Variants in SNX25 observed in about 807,000 individuals in gnomAD.
SNX25 encodes the protein sorting nexin 25, also known as sorting nexin-25.
Under a neutral mutation model 113.7 loss-of-function variants are expected in SNX25, and 62 were observed. The observed-to-expected ratio is 0.55, with a 90% CI of 0.44 to 0.67. SNX25 has a LOEUF of 0.67. SNX25 is among the 30% of genes least tolerant of loss of function. SNX25 has a pLI of 0.00. For missense variants in SNX25, 1,014 were observed against 1,161.0 expected (o/e 0.87, Z 1.84); for synonymous variants, 421 against 436.2 (o/e 0.97, Z 0.43).
chr4:185,317,827 C>G (rs1301330317), intron 7 of SNX25, among the ~76,000 whole-genome samples: 1 of 152,166 alleles, frequency 6.6e-6, no homozygotes, highest in East Asian at 1.9e-4. Flanking sequence ...GAACAAATAC[C>G]TAATGCATGT....
intron 1 of SNX25, among the ~76,000 whole-genome samples, chr4:185,242,639 C>T (rs935095073): frequency 1.3e-5 from 2 of 152,180 alleles, no homozygotes; most frequent in African/African-American, 4.8e-5. Context: ...AGGAACCTCA[C>T]ATGTTCAGCT....
At chr4:185,261,114 C>CTG (rs369434936) in intron 3 of SNX25, among the ~76,000 whole-genome samples, 13,075 of 141,574 alleles carry the variant, frequency 0.092, 586 homozygotes, top group East Asian at 0.12. Flanking sequence ...CTGTCTGTCT[C>CTG]TGTGTGTGTG....
intron 1 of SNX25, among the ~76,000 whole-genome samples, chr4:185,231,404 C>G (rs1358908386): frequency 6.7e-6 from 1 of 150,216 alleles, no homozygotes; most frequent in Non-Finnish European, 1.5e-5. Context: ...TGGCCAATAA[C>G]TTGTTTCTTT....
At chr4:185,223,917 C>G (rs3112906) in intron 1 of SNX25, among the ~76,000 whole-genome samples, 98,897 of 151,604 alleles carry the variant, frequency 0.65, 32,334 homozygotes, top group East Asian at 0.75. Context: ...CTTGTCCCTC[C>G]TGTACTCTTC....
chr4:185,300,840 G>GACAC (rs58762122), intron 6 of SNX25, among the ~76,000 whole-genome samples: 2,751 of 140,760 alleles, frequency 0.02, 68 homozygotes, highest in African/African-American at 0.054. Flanking sequence ...TGATTATTAT[G>GACAC]ACACACACAC....
At chr4:185,223,170 C>G (rs1560902929) in intron 1 of SNX25, among the ~76,000 whole-genome samples, 1 of 152,174 alleles carries the variant, frequency 6.6e-6, no homozygotes, top group African/African-American at 2.4e-5. Context: ...CCCACCTTAG[C>G]AACCTCATCT....
At chr4:185,237,221 T>C (rs1304835710) in intron 1 of SNX25, among the ~76,000 whole-genome samples, 1 of 152,206 alleles carries the variant, frequency 6.6e-6, no homozygotes, top group Non-Finnish European at 1.5e-5. Context: ...CTCAGTATCA[T>C]GTTAACAATT....
chr4:185,334,466 C>T lies in SNX25; in HGVS notation c.1914+1707C>T, dbSNP rs1258595473. Among the ~76,000 whole-genome samples the T allele has an allele frequency of 3.3e-5, 5 of 152,214 alleles. No homozygotes were observed. Among genetic ancestry groups the T allele is most frequent in the Non-Finnish European group, 7.3e-5 (5 of 68,038 alleles). On this transcript the variant is annotated intron_variant, in intron 10 of 18. Transcript: ENST00000652585. This position sits in a 1 kb window ranked among gnomAD's most constrained non-coding sequence, Gnocchi z 4.2. ...TATGTGGAGTCACTCCCATTTACTA[C>T]ATACAGAACTCGAAAGCCTGATAGT...
At chr4:185,328,310 C>G (rs1004070864) in intron 9 of SNX25, among the ~76,000 whole-genome samples, 5 of 152,240 alleles carry the variant, frequency 3.3e-5, no homozygotes, top group Admixed American at 1.3e-4. Context: ...TTATTCACCT[C>G]TAATTCCAGG....
intron 4 of SNX25, among the ~76,000 whole-genome samples, chr4:185,266,159 A>T (rs1748044756): frequency 6.6e-6 from 1 of 152,076 alleles, no homozygotes; most frequent in Non-Finnish European, 1.5e-5. Context: ...CACAGAGAAG[A>T]GAGGAAGTTT....
intron 3 of SNX25, 95 bp downstream of exon 3, chr4:185,259,159 C>T (rs1468559676): frequency 1.0e-6 from 1 of 994,506 alleles, no homozygotes; most frequent in Non-Finnish European, 1.5e-6. Flanking sequence ...AATATTCTGC[C>T]TATTGCTGGC....
chr4:185,241,487 T>TGGGGAGAGGGAGACC (rs1560925501), intron 1 of SNX25, among the ~76,000 whole-genome samples: 2 of 66,064 alleles, frequency 3.0e-5, no homozygotes, highest in Non-Finnish European at 3.9e-5. Context: ...AGAGGGAGAC[T>TGGGGAGAGGGAGACC]GTGGGGAGAG....
rs760440618 is a variant in SNX25 at position 185,357,692 on chromosome 4, C to T, written c.2606C>T (p.Thr869Ile). Residue 869 changes from threonine to isoleucine, a missense_variant, in exon 16 of 19, where the codon ACA becomes ATA. Physicochemically the swap from Thr to Ile is moderately conservative, Grantham distance 89 (BLOSUM62 -1). Coordinates refer to ENST00000652585, the MANE Select transcript of SNX25 (RefSeq NM_001378034.2). ...LRGMFKWVRR[T>I]LIALVQVTFG... is the part of the protein sequence containing the mutation. ...TCAGTGTTTAAATGGGTGAGAAGAACATTAATTGCCCTCGTTCAGGTCACT... is the reference window on the plus strand; with the variant it reads ...TCAGTGTTTAAATGGGTGAGAAGAATATTAATTGCCCTCGTTCAGGTCACT... 7 of 1,614,088 alleles carry T rather than the reference C, an allele frequency of 4.3e-6. No individual in the cohort carries two copies. In the South Asian group the frequency reaches 7.7e-5, roughly 18 times the overall value.
downstream of SNX25, among the ~76,000 whole-genome samples, chr4:185,371,349 C>T (rs533535802): frequency 4.6e-4 from 70 of 152,052 alleles, no homozygotes; most frequent in South Asian, 2.1e-4. Flanking sequence ...ACCATCCTGG[C>T]TAACATGGTG....
intron 1 of SNX25, among the ~76,000 whole-genome samples, chr4:185,239,291 G>C (rs540828305): frequency 2.0e-5 from 3 of 151,924 alleles, no homozygotes; most frequent in Non-Finnish European, 4.4e-5. Context: ...AGACCATCCT[G>C]GCCAACACGG....
At chr4:185,253,473 C>CTT (rs1189589905) in intron 2 of SNX25, among the ~76,000 whole-genome samples, 3 of 142,896 alleles carry the variant, frequency 2.1e-5, no homozygotes, top group Non-Finnish European at 1.5e-5. Context: ...TTCTTTTCTT[C>CTT]TTTTTTTTTT....
At chr4:185,362,547 A>G (rs1473810005) in intron 17 of SNX25, 64 bp from the exon 18 acceptor site, 1 of 1,463,872 alleles carries the variant, frequency 6.8e-7, no homozygotes, top group East Asian at 2.3e-5. Flanking sequence ...TATTCCTTTC[A>G]CTGCAAAGCT....
chr4:185,370,596 G>A, downstream of SNX25: 1 of 1,589,776 alleles, frequency 6.3e-7, no homozygotes, highest in East Asian at 2.2e-5. Context: ...TAAAAGCCTG[G>A]CAGTTTCTCT....
chr4:185,313,475 C>G (rs1024754984), intron 7 of SNX25, among the ~76,000 whole-genome samples: 2 of 152,060 alleles, frequency 1.3e-5, no homozygotes, highest in Non-Finnish European at 2.9e-5. Context: ...TGTTAACAGT[C>G]CCCCTCAGTA....
Sources: gnomAD v4.1 joint callset for allele counts (sites outside exome capture counted in the v4.1 genomes callset) on GRCh38, gnomAD v4.1.1 for gene constraint, Gnocchi (gnomAD v3.1) non-coding constraint, MANE v1.5 for transcripts, NCBI Gene and HGNC (gene_info 2026-07-23, HGNC 2026-07-21) for gene names.